RAB4A: variants seen among roughly 807,000 people sequenced by gnomAD.
The protein encoded by RAB4A is RAB4A, member RAS oncogene family, also known as ras-related protein Rab-4A.
A neutral mutation model predicts 34.5 loss-of-function variants in RAB4A; 20 were observed. The observed-to-expected ratio is 0.58, with a 90% CI of 0.41 to 0.84. The LOEUF (loss-of-function observed/expected upper bound fraction) is 0.84, where lower values mean the gene tolerates loss of function less well. Ranked by LOEUF, RAB4A falls within the 40% of genes least tolerant of loss-of-function variation. RAB4A has a pLI of 0.00. For missense variants in RAB4A, 228 were observed against 274.5 expected (o/e 0.83, Z 1.20); for synonymous variants, 102 against 100.0 (o/e 1.02, Z -0.12).
chr1:229,274,596 A>T (rs558734267), intron 1 of RAB4A, among the ~76,000 whole-genome samples: 32 of 152,370 alleles, frequency 2.1e-4, no homozygotes, highest in African/African-American at 7.7e-4. Flanking sequence ...AAATGCCATT[A>T]GATACACTAC....
At chr1:229,283,837 C>T (rs1352590924) in intron 1 of RAB4A, among the ~76,000 whole-genome samples, 1 of 151,760 alleles carries the variant, frequency 6.6e-6, no homozygotes, top group Non-Finnish European at 1.5e-5. Context: ...AGCAATTCTC[C>T]TGCCTCAGCC....
intron 4 of RAB4A, among the ~76,000 whole-genome samples, chr1:229,296,249 G>A (rs1326236126): frequency 6.6e-6 from 1 of 152,200 alleles, no homozygotes; most frequent in African/African-American, 2.4e-5. Context: ...TGAGTTGAGA[G>A]AGGGTGAGGA....
At chr1:229,274,049 CTTT>C (rs11339660) in intron 1 of RAB4A, among the ~76,000 whole-genome samples, 20 of 86,854 alleles carry the variant, frequency 2.3e-4, no homozygotes, top group Middle Eastern at 6.8e-3. Flanking sequence ...TTTTGTTTCC[CTTT>C]TTTTTTTTTT....
At chr1:229,295,510 G>A (rs977429029) in intron 3 of RAB4A, among the ~76,000 whole-genome samples, 2 of 152,094 alleles carry the variant, frequency 1.3e-5, no homozygotes, top group Admixed American at 6.5e-5. Context: ...TGAGGAGCTC[G>A]CAGAGAAGTG....
At position 229,274,115 on chromosome 1, in the gene RAB4A, C is replaced by G. The variant is rs149013581; in HGVS notation, c.31+2745C>G. On this transcript the variant is annotated intron_variant, in intron 1 of 7. Transcript: ENST00000366690. ...TCACCCATGCTGGAGTGCAGTGACA[C>G]AATCACGGCTCACTGCCACCTCCAT... Among the ~76,000 whole-genome samples, 298 of 138,256 alleles carry G rather than the reference C, an allele frequency of 2.2e-3. 3 individuals carry two copies. The highest frequency in any genetic ancestry group is 7.8e-3 in the African/African-American group (288 of 37,050). 90.7% of individuals were successfully genotyped at this position (138,256 alleles called of 152,430 possible).
chr1:229,283,566 A>G (rs548292071), intron 1 of RAB4A, among the ~76,000 whole-genome samples: 2 of 152,140 alleles, frequency 1.3e-5, no homozygotes, highest in East Asian at 3.9e-4. Context: ...GTCTGCATCC[A>G]TTGGCATTTC....
In RAB4A at chr1:229,304,961, AT is replaced by A. The variant is rs1657513898; in HGVS notation, c.*1169del. The A allele has an allele frequency of 8.1e-6, 5 of 618,734 alleles. No homozygotes were observed. Among genetic ancestry groups the A allele is most frequent in the Non-Finnish European group, 1.2e-5 (5 of 416,626 alleles). 38.3% of individuals were successfully genotyped at this position (618,734 alleles called of 1,614,324 possible). A position where few individuals can be genotyped will look rare whatever the true frequency, so the allele number is the denominator to read the frequency against. The stretch of plus-strand genomic sequence containing the variant: ...GGTGGAACCTTTCTTTAAAGTTGAA[AT>A]GCAGTATTATTTAAATCTGAAAGGT... On this transcript the variant is annotated 3_prime_UTR_variant, in exon 8 of 8. Transcript: ENST00000366690.
intron 3 of RAB4A, among the ~76,000 whole-genome samples, chr1:229,293,286 A>G (rs180713207): frequency 1.3e-5 from 2 of 152,252 alleles, no homozygotes; most frequent in East Asian, 1.9e-4. Context: ...TGATTAAAAC[A>G]TTATCCATTG....
At chr1:229,301,364 G>A (rs560974017) in intron 6 of RAB4A, among the ~76,000 whole-genome samples, 5 of 152,086 alleles carry the variant, frequency 3.3e-5, no homozygotes, top group East Asian at 1.9e-4. Context: ...GAGGAGAGTC[G>A]GGCCCAGGTA....
chr1:229,304,438 A>T lies in RAB4A; in HGVS notation c.*645A>T, dbSNP rs1255619256. 2 of 152,102 alleles carry T rather than the reference A, an allele frequency of 1.3e-5. No individual in the cohort carries two copies. The highest frequency in any genetic ancestry group is 2.4e-5 in the African/African-American group (1 of 41,400). The allele number at this position is 152,102 out of a possible 1,614,324, so 9.4% of individuals were successfully genotyped here. A position where few individuals can be genotyped will look rare whatever the true frequency, so the allele number is the denominator to read the frequency against. On this transcript the variant is annotated 3_prime_UTR_variant, in exon 8 of 8. Transcript: ENST00000366690. ...TATACTGTCCAGCTCTGTTGATTTT[A>T]AAGCCTCTTCATCCAGGTCAGTTCA...
rs773611395 is a variant in RAB4A, at chr1:229,297,648, T to G, written c.445+12T>G. Reference sequence around the variant, plus strand: ...TGCTCAAGAAAATGGCAAGTGACCTTTTACTTCTTACTATTTTTCAAATCG... The same window carrying G: ...TGCTCAAGAAAATGGCAAGTGACCTGTTACTTCTTACTATTTTTCAAATCG... On this transcript the variant is annotated intron_variant, in intron 5 of 7. Transcript: ENST00000366690. The G allele has an allele frequency of 6.4e-7, 1 of 1,560,674 alleles. No individual in the cohort carries two copies. Among genetic ancestry groups the G allele is most frequent in the African/African-American group, 1.4e-5 (1 of 72,748 alleles).
At chr1:229,300,165 A>G (rs1657343477) in intron 6 of RAB4A, among the ~76,000 whole-genome samples, 1 of 152,190 alleles carries the variant, frequency 6.6e-6, no homozygotes, top group African/African-American at 2.4e-5. Context: ...ATTGGGCTGA[A>G]GTATGGTCGA....
intron 7 of RAB4A, among the ~76,000 whole-genome samples, chr1:229,303,481 G>A (rs1379388283): frequency 6.6e-6 from 1 of 152,178 alleles, no homozygotes; most frequent in Non-Finnish European, 1.5e-5. Context: ...GGCAGGTGGT[G>A]GTTGATGGGA....
chr1:229,293,744 G>T (rs550100793), intron 3 of RAB4A, among the ~76,000 whole-genome samples: 3 of 152,160 alleles, frequency 2.0e-5, no homozygotes, highest in Admixed American at 1.3e-4. Flanking sequence ...AGCACGCTGA[G>T]ATAGAGGGGG....
chr1:229,289,668 T>G (rs972107395), intron 3 of RAB4A, among the ~76,000 whole-genome samples: 4 of 152,004 alleles, frequency 2.6e-5, no homozygotes, highest in Admixed American at 2.6e-4. Context: ...ATAAAAAAAT[T>G]AGCCGGGCGT....
intron 6 of RAB4A, among the ~76,000 whole-genome samples, chr1:229,299,834 A>G (rs1657336067): frequency 6.6e-6 from 1 of 152,126 alleles, no homozygotes; most frequent in Non-Finnish European, 1.5e-5. Context: ...AGTAGCTGAG[A>G]GATGCACAGG....
chr1:229,281,144 A>G (rs566094709), intron 1 of RAB4A, among the ~76,000 whole-genome samples: 3 of 152,150 alleles, frequency 2.0e-5, no homozygotes, highest in Admixed American at 6.5e-5. Context: ...ATGAATGTCT[A>G]GGAGTGCAGT....
rs765372048 is a variant in RAB4A, at chr1:229,305,225, T to C, written c.*1432T>C. ...CTTGAATATTTTATTTCAAAAAGTA[T>C]CTGAAGCAAATTCTCAGACTGAACT... On this transcript the variant is annotated 3_prime_UTR_variant, in exon 8 of 8. Transcript: ENST00000366690. 21 of 1,609,834 alleles carry C rather than the reference T, an allele frequency of 1.3e-5. No homozygotes were observed. The South Asian group carries it at 2.1e-4, about 16-fold the overall frequency.
At chr1:229,276,281 A>C (rs577014099) in intron 1 of RAB4A, among the ~76,000 whole-genome samples, 2 of 151,416 alleles carry the variant, frequency 1.3e-5, no homozygotes, top group South Asian at 4.1e-4. Context: ...GCATCTGACC[A>C]GCTCCCGGGC....
Sources: gnomAD v4.1 joint callset for allele counts (sites outside exome capture counted in the v4.1 genomes callset) on GRCh38, gnomAD v4.1.1 for gene constraint, MANE v1.5 for transcripts, NCBI Gene and HGNC (gene_info 2026-07-23, HGNC 2026-07-21) for gene names.